RIMKLA: variants seen among roughly 807,000 people sequenced by gnomAD.
RIMKLA encodes the protein ribosomal modification protein rimK like family member A.
RIMKLA carries 14 observed loss-of-function variants against 32.7 expected under a neutral mutation model. That is an observed-to-expected ratio of 0.43 (90% CI 0.28 to 0.67). The LOEUF (loss-of-function observed/expected upper bound fraction) is 0.67. RIMKLA is among the 30% of genes least tolerant of loss of function. The probability of loss-of-function intolerance (pLI) is 0.18; values close to 1 mark genes in which losing one functional copy is unlikely to be tolerated. For missense variants in RIMKLA, 410 were observed against 519.0 expected (o/e 0.79, Z 2.04); for synonymous variants, 176 against 204.1 (o/e 0.86, Z 1.18).
chr1:42,404,124 A>C (rs1411998085), intron 2 of RIMKLA, among the ~76,000 whole-genome samples: 1 of 152,150 alleles, frequency 6.6e-6, no homozygotes, highest in Non-Finnish European at 1.5e-5. Flanking sequence ...AAATCACAGG[A>C]ATGATATCCC....
intron 2 of RIMKLA, among the ~76,000 whole-genome samples, chr1:42,403,217 C>A (rs1643116301): frequency 2.0e-5 from 3 of 149,616 alleles, no homozygotes; most frequent in African/African-American, 7.4e-5. Flanking sequence ...AAAAATCTCA[C>A]AAGTTGCATT....
intron 1 of RIMKLA, among the ~76,000 whole-genome samples, chr1:42,389,171 G>A (rs1454625086): frequency 2.0e-5 from 3 of 152,206 alleles, no homozygotes; most frequent in African/African-American, 7.2e-5. Context: ...AAGGAAGACA[G>A]GTATAAGTTT....
chr1:42,389,899 A>G (rs1412078381), intron 1 of RIMKLA, among the ~76,000 whole-genome samples: 1 of 152,150 alleles, frequency 6.6e-6, no homozygotes, highest in Non-Finnish European at 1.5e-5. Flanking sequence ...CAACCCCAAT[A>G]AGAGCAGTTT....
At chr1:42,389,801 G>A (rs1392843737) in intron 1 of RIMKLA, among the ~76,000 whole-genome samples, 5 of 148,950 alleles carry the variant, frequency 3.4e-5, no homozygotes, top group African/African-American at 1.2e-4. Context: ...GTGACAGAGC[G>A]AGACGCCATC....
In RIMKLA at chr1:42,423,643, T is replaced by A. The variant is rs138710498; in HGVS notation, c.*8669T>A. 6.6e-6 allele frequency among the ~76,000 whole-genome samples: 1 copy of A among 152,290 alleles called. No homozygotes were observed. The highest frequency in any genetic ancestry group is 1.9e-4 in the East Asian group (1 of 5,178). On this transcript the variant is annotated 3_prime_UTR_variant, in exon 5 of 5. Transcript: ENST00000431473. ...GCAGATGCCTTTCCAAGTTGTGGGA[T>A]CTTGGGATTTCCTCTCCTCAAAGAA...
At position 42,396,012 on chromosome 1, in the gene RIMKLA, G is replaced by A. The variant is rs536094763; in HGVS notation, c.164-3392G>A. On this transcript the variant is annotated intron_variant, in intron 1 of 4. Transcript: ENST00000431473. Reference sequence around the variant, plus strand: ...TCCCAGCACTTTGGGAGGCTGAGGCGGGCGGATCACCTGAGGTCAAGAGAC... The same window carrying A: ...TCCCAGCACTTTGGGAGGCTGAGGCAGGCGGATCACCTGAGGTCAAGAGAC... 4.1e-4 allele frequency among the ~76,000 whole-genome samples: 63 copies of A among 152,056 alleles called. 2 individuals carry two copies. The South Asian group carries it at 0.011, about 28-fold the overall frequency.
rs1643314110 is a variant in RIMKLA, at chr1:42,423,707, C to T, written c.*8733C>T. On this transcript the variant is annotated 3_prime_UTR_variant, in exon 5 of 5. Transcript: ENST00000431473. ...CTTCCCCTTCTACTTCCCAGAGTTA[C>T]ATGGTGTCCCTCTAGGACTCTCCCA... Among the ~76,000 whole-genome samples, 1 of 152,204 alleles carries T rather than the reference C, an allele frequency of 6.6e-6. No homozygotes were observed. Among genetic ancestry groups the T allele is most frequent in the Non-Finnish European group, 1.5e-5 (1 of 68,034 alleles).
intron 1 of RIMKLA, among the ~76,000 whole-genome samples, chr1:42,394,101 A>G (rs1643022044): frequency 6.6e-6 from 1 of 152,172 alleles, no homozygotes. Flanking sequence ...CGTTATTTAT[A>G]TAGTTGATTC....
rs1019243712 is a variant in RIMKLA, at chr1:42,416,097, G to A, written c.*1123G>A. ...CCATTGCACATTTTGCGGGGGGGGG[G>A]GCTAATGTAGACATGACACCAAGTG... On this transcript the variant is annotated 3_prime_UTR_variant, in exon 5 of 5. Transcript: ENST00000431473. 1.2e-4 allele frequency: 15 copies of A among 129,964 alleles called. 2 individuals carry two copies. The highest frequency in any genetic ancestry group is 1.7e-4 in the Non-Finnish European group (10 of 57,940). 8.1% of individuals were successfully genotyped at this position (129,964 alleles called of 1,614,324 possible).
intron 3 of RIMKLA, among the ~76,000 whole-genome samples, chr1:42,404,976 C>T (rs1047304760): frequency 1.3e-5 from 2 of 152,150 alleles, no homozygotes; most frequent in African/African-American, 4.8e-5. Flanking sequence ...AACTGAAGGC[C>T]CTGTACAAAC....
rs139495954 is a variant in RIMKLA, at chr1:42,407,352, A to AT, written c.482-2623dup. 4.6e-5 allele frequency among the ~76,000 whole-genome samples: 7 copies of AT among 151,600 alleles called. No homozygotes were observed. In the South Asian group the frequency reaches 8.3e-4, roughly 18 times the overall value. ...TATTTTGGTAAAGTCTAACTTGTCTATTTTTTTTTGTTTCCATATGCTTTT... is the reference window on the plus strand; with the variant it reads ...TATTTTGGTAAAGTCTAACTTGTCTATTTTTTTTTTGTTTCCATATGCTTTT... On this transcript the variant is annotated intron_variant, in intron 3 of 4. Transcript: ENST00000431473.
intron 1 of RIMKLA, among the ~76,000 whole-genome samples, chr1:42,383,461 A>C (rs1266930019): frequency 6.6e-6 from 1 of 152,250 alleles, no homozygotes; most frequent in Non-Finnish European, 1.5e-5. Context: ...CCTTGCACGT[A>C]GTAGGCTCTC....
chr1:42,416,590 G>C lies in RIMKLA; in HGVS notation c.*1616G>C, dbSNP rs1006432125. 6.6e-6 allele frequency: 1 copy of C among 152,174 alleles called. No individual in the cohort carries two copies. Among genetic ancestry groups the C allele is most frequent in the African/African-American group, 2.4e-5 (1 of 41,440 alleles). The allele number at this position is 152,174 out of a possible 1,614,324, so 9.4% of individuals were successfully genotyped here. A position where few individuals can be genotyped will look rare whatever the true frequency, so the allele number is the denominator to read the frequency against. ...CCCTTACAAGTTGACAGTTTCTAAAGAGGGTTCTAGGAATGTTCTGTGTAA... is the reference window on the plus strand; with the variant it reads ...CCCTTACAAGTTGACAGTTTCTAAACAGGGTTCTAGGAATGTTCTGTGTAA... On this transcript the variant is annotated 3_prime_UTR_variant, in exon 5 of 5. Coordinates refer to ENST00000431473, the MANE Select transcript of RIMKLA (RefSeq NM_173642.4).
chr1:42,411,302 T>C (rs1197388330), intron 4 of RIMKLA, among the ~76,000 whole-genome samples: 1 of 149,754 alleles, frequency 6.7e-6, no homozygotes, highest in Non-Finnish European at 1.5e-5. Flanking sequence ...GCCATAGCAC[T>C]CCAGCCTGGG....
At chr1:42,390,966 G>GA (rs1276730159) in intron 1 of RIMKLA, among the ~76,000 whole-genome samples, 1 of 152,144 alleles carries the variant, frequency 6.6e-6, no homozygotes, top group Non-Finnish European at 1.5e-5. Context: ...GATAAGAAGG[G>GA]AAGTTGAGGA....
At chr1:42,413,384 C>T (rs1052778481) in intron 4 of RIMKLA, among the ~76,000 whole-genome samples, 3 of 150,556 alleles carry the variant, frequency 2.0e-5, no homozygotes, top group Non-Finnish European at 4.4e-5. Flanking sequence ...GCCTGTAGTC[C>T]CATCTACTCG....
chr1:42,410,482 A>G (rs1476950201), intron 4 of RIMKLA, among the ~76,000 whole-genome samples: 2 of 152,228 alleles, frequency 1.3e-5, no homozygotes, highest in East Asian at 1.9e-4. Context: ...AAAAACTCCC[A>G]TCTGGGTAAA....
intron 4 of RIMKLA, among the ~76,000 whole-genome samples, chr1:42,411,239 GT>G (rs1643194699): frequency 6.6e-6 from 1 of 151,920 alleles, no homozygotes; most frequent in African/African-American, 2.4e-5. Context: ...TGAAGCTGAG[GT>G]GGGAGGATCC....
chr1:42,384,892 A>G (rs1340451106), intron 1 of RIMKLA, among the ~76,000 whole-genome samples: 2 of 151,990 alleles, frequency 1.3e-5, no homozygotes, highest in African/African-American at 4.8e-5. Flanking sequence ...TCAGATGCCC[A>G]CTGTTCCCTC....
Sources: allele counts gnomAD v4.1 joint callset (sites outside exome capture counted in the v4.1 genomes callset), GRCh38; gene constraint gnomAD v4.1.1; transcripts MANE v1.5; gene names NCBI Gene and HGNC (gene_info 2026-07-23, HGNC 2026-07-21).